The following ABCA6 variants were observed in gnomAD, a reference collection of about 807,000 sequenced individuals.
ABCA6 encodes the protein ATP-binding cassette sub-family A member 6.
A neutral mutation model predicts 191.2 loss-of-function variants in ABCA6; 164 were observed. The ratio of observed to expected loss-of-function variants is 0.86; its 90% CI spans 0.76 to 0.98. The LOEUF (loss-of-function observed/expected upper bound fraction) is 0.98. Among genes scored for constraint, ABCA6 ranks in the 50% least tolerant of loss-of-function variants. ABCA6 has a pLI of 0.00. For missense variants in ABCA6, 1,958 were observed against 1,894.1 expected (o/e 1.03, Z -0.63); for synonymous variants, 636 against 647.7 (o/e 0.98, Z 0.27).
At chr17:69,116,702 TAA>T (rs2073544773) in intron 11 of ABCA6, among the ~76,000 whole-genome samples, 1 of 152,058 alleles carries the variant, frequency 6.6e-6, no homozygotes, top group South Asian at 2.1e-4. Context: ...AGGCCATAGA[TAA>T]AAGATTTCAA....
chr17:69,119,781 C>A (rs558326122), intron 10 of ABCA6, among the ~76,000 whole-genome samples: 21 of 152,066 alleles, frequency 1.4e-4, no homozygotes, highest in Non-Finnish European at 2.9e-4. Flanking sequence ...TGCACAAACA[C>A]ACCTTTTTAT....
rs1383081146 is a variant in ABCA6, at chr17:69,096,792, T to C, written c.3130A>G (p.Lys1044Glu). Residue 1044 changes from lysine (K) to glutamate (E), a missense_variant, in exon 24 of 39, where the codon AAG becomes GAG. Physicochemically the swap from Lys to Glu is moderately conservative, Grantham distance 56. Transcript: ENST00000284425. ...AGGCCTGAAATCCATAGCTGGGACT[T>C]AGCATTTTTCTGATTAAAAAAAAAA... ...GSISDYKKNA[K>E]SQLWISGLYT... The C allele has an allele frequency of 6.6e-7, 1 of 1,524,736 alleles. No homozygotes were observed. Among genetic ancestry groups the C allele is most frequent in the Non-Finnish European group, 8.7e-7 (1 of 1,147,596 alleles). The allele number at this position is 1,524,736 out of a possible 1,614,324, so 94.5% of individuals were successfully genotyped here. A position where few individuals can be genotyped will look rare whatever the true frequency, so the allele number is the denominator to read the frequency against.
chr17:69,081,788 C>T (rs1160087282), intron 36 of ABCA6, among the ~76,000 whole-genome samples: 2 of 152,150 alleles, frequency 1.3e-5, no homozygotes, highest in East Asian at 1.9e-4. Flanking sequence ...CTCCTTGATT[C>T]CCCCTCCTCC....
At chr17:69,080,202 T>C (rs915631944) in intron 37 of ABCA6, among the ~76,000 whole-genome samples, 1 of 152,148 alleles carries the variant, frequency 6.6e-6, no homozygotes, top group Non-Finnish European at 1.5e-5. Context: ...CACAATGAGC[T>C]AGGCACTGTT....
At position 69,113,690 on chromosome 17, in the gene ABCA6, G is replaced by A. The variant is rs199894450; in HGVS notation, c.1830C>T (p.Asn610=). Reference sequence around the variant, plus strand: ...GTCCTTCACTTAAATGTTTAGCAAGGTTATCTTGAATGTTTTGCATGTCCA... The same window carrying A: ...GTCCTTCACTTAAATGTTTAGCAAGATTATCTTGAATGTTTTGCATGTCCA... ...LELDMQNIQD[N]LAKHLSEGQK... The change falls in exon 14 of 39, where the codon AAC becomes AAT. Residue 610 remains asparagine (N), a synonymous_variant. Transcript: ENST00000284425. 1 of 1,612,702 alleles carries A rather than the reference G, an allele frequency of 6.2e-7. No individual in the cohort carries two copies. The highest frequency in any genetic ancestry group is 2.2e-5 in the East Asian group (1 of 44,802).
Position 69,110,881 on chromosome 17 carries a change from A to T in ABCA6, c.2192T>A (p.Ile731Asn). The change falls in exon 17 of 39, where the codon ATC (isoleucine) becomes AAC (asparagine). Residue 731 changes from isoleucine (I) to asparagine (N), a missense_variant. Transcript: ENST00000284425. ...EQITSFITHH[I>N]PDAKLKTENK... ...TTCTGTTTTTAATTTAGCATCGGGG[A>T]TGTGATGAGTAATGAAGGATGTTAT... 1.9e-6 allele frequency: 3 copies of T among 1,611,892 alleles called. No homozygotes were observed. The highest frequency in any genetic ancestry group is 1.3e-5 in the African/African-American group (1 of 74,886).
At chr17:69,083,736 T>C (rs1200839235) in intron 34 of ABCA6, among the ~76,000 whole-genome samples, 1 of 152,158 alleles carries the variant, frequency 6.6e-6, no homozygotes, top group Non-Finnish European at 1.5e-5. Context: ...CATAACAAAG[T>C]TTTTGTTAAA....
At chr17:69,128,577 C>A in intron 8 of ABCA6, 42 bp downstream of exon 8, 1 of 1,514,102 alleles carries the variant, frequency 6.6e-7, no homozygotes, top group African/African-American at 1.4e-5. Context: ...GTATCTACTT[C>A]TTTTGAAATT....
intron 31 of ABCA6, 76 bp from the exon 32 acceptor site, chr17:69,085,258 T>C (rs2072753348): frequency 2.2e-6 from 3 of 1,394,480 alleles, no homozygotes; most frequent in East Asian, 2.5e-5. Flanking sequence ...AACTGACATA[T>C]ATAAGCGTCT....
intron 10 of ABCA6, among the ~76,000 whole-genome samples, chr17:69,122,194 T>C (rs2073660818): frequency 6.6e-6 from 1 of 152,070 alleles, no homozygotes; most frequent in Admixed American, 6.6e-5. Context: ...ACTTTTTGTA[T>C]TCTCAAAATG....
intron 8 of ABCA6, among the ~76,000 whole-genome samples, chr17:69,125,798 A>G (rs7208586): frequency 0.61 from 92,065 of 151,974 alleles, 29,486 homozygotes; most frequent in Admixed American, 0.71. Flanking sequence ...AAATCAATCA[A>G]TGTAATTCAA....
intron 32 of ABCA6, among the ~76,000 whole-genome samples, 180 bp downstream of exon 32, chr17:69,084,848 A>G (rs539384863): frequency 3.9e-4 from 60 of 152,264 alleles, no homozygotes; most frequent in African/African-American, 1.3e-3. Flanking sequence ...ATCATTTTTT[A>G]AAGATCTCTC....
rs751347982 is a variant in ABCA6 at position 69,113,737 on chromosome 17, C to T, written c.1783G>A (p.Val595Ile). ...GIHLKEVEQE[V>I]QRILLELDMQ... ...TCCAATTCCAATAATATTCGTTGTA[C>T]CTATATGAGAAAATACGCAACTTTT... Residue 595 changes from valine (V) to isoleucine (I), a missense_variant and splice_region_variant, in exon 14 of 39, where the codon GTA becomes ATA. Physicochemically the swap from Val to Ile is conservative, Grantham distance 29. Transcript: ENST00000284425. 2 of 1,608,426 alleles carry T rather than the reference C, an allele frequency of 1.2e-6. No homozygotes were observed. Among genetic ancestry groups the T allele is most frequent in the Admixed American group, 3.4e-5 (2 of 58,944 alleles).
intron 32 of ABCA6, among the ~76,000 whole-genome samples, 162 bp downstream of exon 32, chr17:69,084,866 G>T (rs2072737204): frequency 6.6e-6 from 1 of 152,054 alleles, no homozygotes; most frequent in African/African-American, 2.4e-5. Flanking sequence ...CTCATTCAGG[G>T]ATGCAGGAAG....
chr17:69,132,383 G>A (rs2073878849), intron 6 of ABCA6, among the ~76,000 whole-genome samples: 1 of 152,148 alleles, frequency 6.6e-6, no homozygotes, highest in South Asian at 2.1e-4. Flanking sequence ...AAGCCTTTTG[G>A]AAGCTTGGAG....
chr17:69,113,695 C>G lies in ABCA6; in HGVS notation c.1825G>C (p.Asp609His). The change falls in exon 14 of 39, where the codon GAT becomes CAT. Residue 609 changes from aspartate (D) to histidine (H), a missense_variant. By Grantham distance (81) the Asp-to-His change is moderately conservative. Transcript: ENST00000284425. ...LLELDMQNIQ[D>H]NLAKHLSEGQ... The stretch of plus-strand genomic sequence containing the variant: ...TCACTTAAATGTTTAGCAAGGTTAT[C>G]TTGAATGTTTTGCATGTCCAATTCC... The G allele has an allele frequency of 6.2e-7, 1 of 1,612,800 alleles. No homozygotes were observed. Among genetic ancestry groups the G allele is most frequent in the East Asian group, 2.2e-5 (1 of 44,790 alleles).
rs768629941 is a variant in ABCA6, at chr17:69,110,900, A to T, written c.2173T>A (p.Ser725Thr). Residue 725 changes from serine to threonine, a missense_variant, in exon 17 of 39, where the codon TCC becomes ACC. By Grantham distance (58) the Ser-to-Thr change is moderately conservative. Transcript: ENST00000284425. ...TCGGGGATGTGATGAGTAATGAAGGATGTTATTTGTTCTGGGTTACATATT... is the reference window on the plus strand; with the variant it reads ...TCGGGGATGTGATGAGTAATGAAGGTTGTTATTTGTTCTGGGTTACATATT... ...NEICNPEQIT[S>T]FITHHIPDAK... 6.2e-7 allele frequency: 1 copy of T among 1,611,054 alleles called. No individual in the cohort carries two copies.
chr17:69,079,004 C>T lies in ABCA6; in HGVS notation c.4823G>A (p.Trp1608Ter). The change falls in exon 39 of 39, where the codon TGG becomes TAG. Residue 1608 changes from tryptophan to a stop codon, truncating the protein, a stop_gained. Transcript: ENST00000284425. LOFTEE classifies it high-confidence loss of function. Reference protein sequence around the residue: ...FDEEIDTTMRWKLLPHSDEP With the variant: ...FDEEIDTTMR The stretch of plus-strand genomic sequence containing the variant: ...TTCATCTGAATGAGGGAGGAGTTTC[C>T]ATCTCATTGTTGTATCAATTTCTTC... 1.9e-6 allele frequency: 3 copies of T among 1,611,624 alleles called. No individual in the cohort carries two copies.
At chr17:69,079,619 C>T (rs2072580469) in intron 37 of ABCA6, among the ~76,000 whole-genome samples, 1 of 152,216 alleles carries the variant, frequency 6.6e-6, no homozygotes, top group Non-Finnish European at 1.5e-5. Flanking sequence ...TCAAAACTCC[C>T]TTCAGCCAGT....
Sources: gnomAD v4.1 joint callset for allele counts (sites outside exome capture counted in the v4.1 genomes callset) on GRCh38, gnomAD v4.1.1 for gene constraint, MANE v1.5 for transcripts, NCBI Gene and HGNC (gene_info 2026-07-23, HGNC 2026-07-21) for gene names.